STAMBPL1: variants seen among roughly 807,000 people sequenced by gnomAD.
STAMBPL1 encodes the protein STAM binding protein like 1.
STAMBPL1 carries 44 observed loss-of-function variants against 52.9 expected under a neutral mutation model. The ratio of observed to expected loss-of-function variants is 0.83; its 90% CI spans 0.65 to 1.07. The LOEUF is 1.07. STAMBPL1 is among the 50% of genes least tolerant of loss of function. STAMBPL1 has a pLI of 0.00. For missense variants in STAMBPL1, 511 were observed against 520.8 expected (o/e 0.98, Z 0.18); for synonymous variants, 164 against 177.3 (o/e 0.92, Z 0.60).
At chr10:88,918,288 CACACACACACACACACAT>C (rs1212818995) in intron 8 of STAMBPL1, among the ~76,000 whole-genome samples, 2 of 145,402 alleles carry the variant, frequency 1.4e-5, no homozygotes, top group Admixed American at 6.7e-5. Flanking sequence ...CATGCACACA[CACACACACACACACACAT>C]ACACACACAC....
intron 4 of STAMBPL1, among the ~76,000 whole-genome samples, chr10:88,909,443 T>G (rs1845160169): frequency 6.6e-6 from 1 of 152,180 alleles, no homozygotes; most frequent in South Asian, 2.1e-4. Flanking sequence ...TGAAGGAAGA[T>G]AAAATCATGT....
At chr10:88,901,767 T>G in intron 2 of STAMBPL1, 29 bp downstream of exon 2, 1 of 1,607,588 alleles carries the variant, frequency 6.2e-7, no homozygotes, top group Non-Finnish European at 8.5e-7. Context: ...TATCTAACAT[T>G]TGGTTGGAAA....
At chr10:88,903,523 T>C (rs1844998055) in intron 2 of STAMBPL1, among the ~76,000 whole-genome samples, 1 of 152,250 alleles carries the variant, frequency 6.6e-6, no homozygotes. Context: ...TAAGTAGTAG[T>C]AAAATATGAA....
intron 7 of STAMBPL1, 100 bp from the exon 8 acceptor site, chr10:88,916,580 C>G (rs2133206922): frequency 1.6e-6 from 2 of 1,237,788 alleles, no homozygotes; most frequent in Non-Finnish European, 2.1e-6. Flanking sequence ...ACACACCCCC[C>G]TGCTGGGGGA....
At chr10:88,901,889 T>A in intron 2 of STAMBPL1, 151 bp downstream of exon 2, 1 of 688,884 alleles carries the variant, frequency 1.5e-6, no homozygotes, top group Non-Finnish European at 2.4e-6. Flanking sequence ...TTTGAGGAAG[T>A]GACTAATAAA....
chr10:88,913,864 T>G (rs11814985), intron 6 of STAMBPL1, among the ~76,000 whole-genome samples: 2 of 152,158 alleles, frequency 1.3e-5, no homozygotes, highest in African/African-American at 4.8e-5. Context: ...ATGTTTATAC[T>G]CAATATGTTT....
Position 88,914,629 on chromosome 10 carries a change from G to T in STAMBPL1, c.874G>T (p.Glu292Ter). 6.9e-7 allele frequency: 1 copy of T among 1,457,780 alleles called. No homozygotes were observed. Among genetic ancestry groups the T allele is most frequent in the South Asian group, 1.6e-5 (1 of 62,410 alleles). 90.3% of individuals were successfully genotyped at this position (1,457,780 alleles called of 1,614,324 possible). ...LAESNTVRGI[E>*]TCGILCGKLT... is the part of the protein sequence containing the mutation. The stretch of plus-strand genomic sequence containing the variant: ...AGAATCTAATACAGTGAGAGGAATA[G>T]AAACCTGTGGAATACTCTGTGGAAA... Residue 292 changes from glutamate to a stop codon, truncating the protein, a stop_gained, in exon 7 of 11, where the codon GAA (glutamate) becomes TAA (stop). Coordinates refer to ENST00000371926, the MANE Select transcript of STAMBPL1 (RefSeq NM_020799.4). LOFTEE classifies it high-confidence loss of function.
chr10:88,901,812 A>C, intron 2 of STAMBPL1, 74 bp downstream of exon 2: 2 of 1,406,522 alleles, frequency 1.4e-6, no homozygotes, highest in Non-Finnish European at 2.0e-6. Context: ...ACAAATGTGA[A>C]ATGAGTCACA....
At chr10:88,905,380 TTA>T (rs1246428240) in intron 2 of STAMBPL1, 61 bp from the exon 3 acceptor site, 1 of 1,262,252 alleles carries the variant, frequency 7.9e-7, no homozygotes, top group Non-Finnish European at 1.2e-6. Flanking sequence ...GTCCATAATA[TTA>T]GTCATATCCT....
At chr10:88,905,036 C>T (rs1845038004) in intron 2 of STAMBPL1, among the ~76,000 whole-genome samples, 1 of 152,010 alleles carries the variant, frequency 6.6e-6, no homozygotes, top group African/African-American at 2.4e-5. Flanking sequence ...CTTGGAGACC[C>T]TTCAGAGTAG....
chr10:88,909,438 G>A (rs1424306076), intron 4 of STAMBPL1, among the ~76,000 whole-genome samples: 1 of 152,008 alleles, frequency 6.6e-6, no homozygotes, highest in East Asian at 1.9e-4. Flanking sequence ...TTATATGAAG[G>A]AAGATAAAAT....
chr10:88,898,469 A>G (rs781704096), intron 1 of STAMBPL1, among the ~76,000 whole-genome samples: 1 of 152,214 alleles, frequency 6.6e-6, no homozygotes, highest in Non-Finnish European at 1.5e-5. Flanking sequence ...ATGCAACTGT[A>G]AGTGCCAGGA....
chr10:88,906,477 CTTA>C (rs1189122128), intron 3 of STAMBPL1, among the ~76,000 whole-genome samples: 6 of 152,070 alleles, frequency 3.9e-5, no homozygotes, highest in South Asian at 4.1e-4. Context: ...CTTTTGCTAG[CTTA>C]TTATTTATTA....
chr10:88,921,369 C>T lies in STAMBPL1; in HGVS notation c.1128C>T (p.Ala376=), dbSNP rs1845507336. ...SYQLMLPEAI[A]IVCSPKHKDT... ...AACTCATGTTGCCAGAGGCCATTGC[C>T]ATTGTTTGCTCACCAAAGCATAAAG... The change falls in exon 9 of 11, where the codon GCC becomes GCT. Residue 376 remains alanine, a synonymous_variant. Coordinates refer to ENST00000371926, the MANE Select transcript of STAMBPL1 (RefSeq NM_020799.4). The T allele has an allele frequency of 6.2e-7, 1 of 1,613,158 alleles. No homozygotes were observed. The highest frequency in any genetic ancestry group is 8.5e-7 in the Non-Finnish European group (1 of 1,179,368).
chr10:88,909,596 ATTATTTAT>A (rs564365021), intron 4 of STAMBPL1, among the ~76,000 whole-genome samples: 3 of 151,982 alleles, frequency 2.0e-5, no homozygotes, highest in African/African-American at 7.2e-5. Context: ...GGTCATCTAC[ATTATTTAT>A]TTATTTATTT....
chr10:88,899,445 A>G (rs1458115114), intron 1 of STAMBPL1, among the ~76,000 whole-genome samples: 1 of 152,132 alleles, frequency 6.6e-6, no homozygotes, highest in Admixed American at 6.5e-5. Flanking sequence ...AATATTTTCA[A>G]CCTTTTAAAT....
At chr10:88,901,007 G>A (rs1844930716) in intron 1 of STAMBPL1, 1 of 152,194 alleles carries the variant, frequency 6.6e-6, no homozygotes, top group South Asian at 2.1e-4. Flanking sequence ...ATTAGATCCA[G>A]ACCACTCAGG....
chr10:88,913,792 C>T (rs1232474229), intron 6 of STAMBPL1, among the ~76,000 whole-genome samples: 1 of 151,932 alleles, frequency 6.6e-6, no homozygotes, highest in Non-Finnish European at 1.5e-5. Context: ...TTAAATACAT[C>T]CATCTTTCTG....
intron 1 of STAMBPL1, 21 bp downstream of exon 1, chr10:88,880,659 G>A (rs888186499): frequency 3.3e-5 from 5 of 152,212 alleles, no homozygotes; most frequent in Admixed American, 6.5e-5. Flanking sequence ...GCGCGCGCGC[G>A]TGAGTGAGAG....
Sources: gnomAD v4.1 joint callset for allele counts (sites outside exome capture counted in the v4.1 genomes callset) on GRCh38, gnomAD v4.1.1 for gene constraint, MANE v1.5 for transcripts, NCBI Gene and HGNC (gene_info 2026-07-23, HGNC 2026-07-21) for gene names.